ASTN1: variants seen among roughly 807,000 people sequenced by gnomAD.
ASTN1 encodes the protein astrotactin-1.
A neutral mutation model predicts 140.7 loss-of-function variants in ASTN1; 41 were observed. The observed-to-expected ratio is 0.29, with a 90% confidence interval of 0.23 to 0.38. ASTN1 has a LOEUF of 0.38. Ranked by LOEUF, ASTN1 falls within the 10% of genes least tolerant of loss-of-function variation. The probability of loss-of-function intolerance (pLI) is 1.00; values close to 1 mark genes in which losing one functional copy is unlikely to be tolerated. For synonymous variants in ASTN1, 640 were observed against 652.2 expected, an observed-to-expected ratio of 0.98 and a Z score of 0.29; for missense variants, 1,479 against 1,678.8, an observed-to-expected ratio of 0.88 and a Z score of 2.08.
At chr1:176,929,871 G>C (rs1671131280) in intron 16 of ASTN1, among the ~76,000 whole-genome samples, 1 of 152,148 alleles carries the variant, frequency 6.6e-6, no homozygotes. Context: ...AGCCAGGCGT[G>C]GTGGCAGGTG....
intron 1 of ASTN1, among the ~76,000 whole-genome samples, chr1:177,105,997 TAAAAACAAAAAC>T (rs1005534162): frequency 2.0e-5 from 3 of 152,054 alleles, no homozygotes; most frequent in Non-Finnish European, 2.9e-5. Flanking sequence ...CCCCATCTCT[TAAAAACAAAAAC>T]GAAAACAAAA....
intron 16 of ASTN1, among the ~76,000 whole-genome samples, chr1:176,907,498 G>C (rs1411921723): frequency 6.6e-6 from 1 of 152,166 alleles, no homozygotes; most frequent in African/African-American, 2.4e-5. Flanking sequence ...GTAACCAAAA[G>C]TATTACTTCA....
chr1:176,864,284 C>T lies in ASTN1; in HGVS notation c.3885G>A (p.Ter1295=), dbSNP rs1431527557. The T allele has an allele frequency of 1.2e-6, 2 of 1,613,744 alleles. No homozygotes were observed. The highest frequency in any genetic ancestry group is 2.2e-5 in the South Asian group (2 of 91,042). ...GCAGCAGCTCCCTGGCCTTATGGTG[C>T]TAGATCTCTTTGCTGTCCCCATAGT... ...YNDYGDSKEI[*] is the part of the protein sequence containing the mutation. The change falls in exon 23 of 23, where the codon TAG becomes TAA. Residue 1295 remains the stop codon, a stop_retained_variant. Transcript: ENST00000361833.
intron 16 of ASTN1, among the ~76,000 whole-genome samples, chr1:176,928,176 C>T (rs919351356): frequency 4.1e-4 from 62 of 151,942 alleles, no homozygotes; most frequent in South Asian, 1.5e-3. Context: ...ATCTATTCTT[C>T]TAAAGCTTGC....
At chr1:177,015,556 G>A (rs992116607) in intron 7 of ASTN1, among the ~76,000 whole-genome samples, 1 of 152,128 alleles carries the variant, frequency 6.6e-6, no homozygotes, top group African/African-American at 2.4e-5. Flanking sequence ...ATCTGGGAGT[G>A]GGTCACCAGA....
At chr1:177,101,090 C>A (rs1477342827) in intron 1 of ASTN1, among the ~76,000 whole-genome samples, 2 of 151,784 alleles carry the variant, frequency 1.3e-5, no homozygotes, top group African/African-American at 2.4e-5. Flanking sequence ...GAAACTCTCT[C>A]AAAAAAATAA....
At chr1:177,086,838 T>C (rs189785692) in intron 1 of ASTN1, among the ~76,000 whole-genome samples, 1 of 152,318 alleles carries the variant, frequency 6.6e-6, no homozygotes, top group Admixed American at 6.5e-5. Flanking sequence ...ATAAATAGTT[T>C]GTAATGAAGA....
chr1:177,153,596 A>G (rs746248072), intron 1 of ASTN1, among the ~76,000 whole-genome samples: 28 of 152,212 alleles, frequency 1.8e-4, no homozygotes, highest in Admixed American at 6.5e-5. Flanking sequence ...CAGGAAAAAA[A>G]TGATGAATAC....
At chr1:176,899,481 G>C in intron 16 of ASTN1, among the ~76,000 whole-genome samples, 1 of 152,198 alleles carries the variant, frequency 6.6e-6, no homozygotes, top group East Asian at 1.9e-4. Flanking sequence ...CTGAGTTGCT[G>C]CCCAAGGCAA....
At chr1:176,945,807 C>A (rs954032759) in intron 13 of ASTN1, 119 bp downstream of exon 13, 3 of 951,770 alleles carry the variant, frequency 3.2e-6, no homozygotes, top group East Asian at 5.0e-5. Flanking sequence ...TGTAGTCTAT[C>A]CCTTTAGACA....
intron 16 of ASTN1, among the ~76,000 whole-genome samples, chr1:176,929,262 G>A (rs993445042): frequency 6.6e-6 from 1 of 152,188 alleles, no homozygotes; most frequent in Non-Finnish European, 1.5e-5. Context: ...TTCTTGAAAT[G>A]GGGAGATTAT....
rs576151078 is a variant in ASTN1, at chr1:176,889,168, C to T, written c.2941-964G>A. Among the ~76,000 whole-genome samples, 5 of 152,276 alleles carry T rather than the reference C, an allele frequency of 3.3e-5. No individual in the cohort carries two copies. In the South Asian group the frequency reaches 6.2e-4, roughly 19 times the overall value. ...ATTAGACCAGTGAAGTAACAGAACC[C>T]GTAATAGGGCCAGTCCCTGGTGGCG... On this transcript the variant is annotated intron_variant, in intron 17 of 22. Coordinates refer to ENST00000361833, the MANE Select transcript of ASTN1 (RefSeq NM_004319.3).
chr1:177,113,514 C>G (rs975369535), intron 1 of ASTN1, among the ~76,000 whole-genome samples: 1 of 152,188 alleles, frequency 6.6e-6, no homozygotes, highest in Non-Finnish European at 1.5e-5. Flanking sequence ...CTTCCACTAC[C>G]ACCTTGTTTC....
At chr1:176,993,566 C>T (rs947525606) in intron 8 of ASTN1, among the ~76,000 whole-genome samples, 3 of 152,146 alleles carry the variant, frequency 2.0e-5, no homozygotes, top group Non-Finnish European at 4.4e-5. Flanking sequence ...TTCAGAAAAA[C>T]ACCTGCTATA....
intron 16 of ASTN1, among the ~76,000 whole-genome samples, chr1:176,925,484 C>T (rs1053433866): frequency 5.3e-5 from 8 of 152,064 alleles, no homozygotes; most frequent in African/African-American, 9.7e-5. Context: ...GATACATATG[C>T]GTATTACATT....
chr1:176,999,995 C>A (rs571792242), intron 8 of ASTN1, among the ~76,000 whole-genome samples: 1 of 152,040 alleles, frequency 6.6e-6, no homozygotes, highest in African/African-American at 2.4e-5. Context: ...TGGAGTAATA[C>A]GAATGTATGT....
rs76048973 is a variant in ASTN1, at chr1:177,077,854, G to A, written c.284-16589C>T. On this transcript the variant is annotated intron_variant, in intron 1 of 22. Transcript: ENST00000361833. ...GTGGGCACCTCACCCAAGGGCAGCC[G>A]TCTGTGGGATGGGCAGTGATCCACA... 4.9e-3 allele frequency among the ~76,000 whole-genome samples: 745 copies of A among 152,240 alleles called. 8 individuals carry two copies. The highest frequency in any genetic ancestry group is 0.017 in the African/African-American group (713 of 41,538).
chr1:177,132,089 T>G (rs1223381952), intron 1 of ASTN1, among the ~76,000 whole-genome samples: 1 of 152,182 alleles, frequency 6.6e-6, no homozygotes, highest in East Asian at 1.9e-4. Flanking sequence ...TTCCCTCTGG[T>G]TGGTAAGGTT....
intron 1 of ASTN1, among the ~76,000 whole-genome samples, chr1:177,127,184 G>A (rs546286873): frequency 6.6e-6 from 1 of 151,750 alleles, no homozygotes; most frequent in Non-Finnish European, 1.5e-5. Context: ...TCTCATTTAA[G>A]CTTCTCTGAT....
Sources: gnomAD v4.1 joint callset for allele counts (sites outside exome capture counted in the v4.1 genomes callset) on GRCh38, gnomAD v4.1.1 for gene constraint, MANE v1.5 for transcripts, NCBI Gene and HGNC (gene_info 2026-07-23, HGNC 2026-07-21) for gene names.